COG5: variants seen among roughly 807,000 people sequenced by gnomAD.
COG5 encodes component of oligomeric golgi complex 5, also known as conserved oligomeric Golgi complex subunit 5.
COG5 carries 86 observed loss-of-function variants against 110.4 expected under a neutral mutation model. The ratio of observed to expected loss-of-function variants is 0.78; its 90% CI spans 0.65 to 0.93. The LOEUF is 0.93. COG5 is among the 40% of genes least tolerant of loss of function. The pLI is 0.00. For synonymous variants in COG5, 360 were observed against 334.6 expected, an observed-to-expected ratio of 1.08 and a Z score of -0.83; for missense variants, 1,077 against 987.0, an observed-to-expected ratio of 1.09 and a Z score of -1.22.
At chr7:107,334,931 T>C (rs1357683108) in intron 10 of COG5, among the ~76,000 whole-genome samples, 1 of 152,204 alleles carries the variant, frequency 6.6e-6, no homozygotes, top group Admixed American at 6.5e-5. Context: ...GACACATCTA[T>C]GAAAAACAAT....
At chr7:107,251,131 G>GA (rs1802470921) in intron 16 of COG5, among the ~76,000 whole-genome samples, 1 of 55,548 alleles carries the variant, frequency 1.8e-5, no homozygotes, top group Non-Finnish European at 3.4e-5. Flanking sequence ...CTTGAAACTA[G>GA]CCAAAAAAAA....
At chr7:107,471,964 C>T (rs2129109329) in intron 6 of COG5, 1 of 152,064 alleles carries the variant, frequency 6.6e-6, no homozygotes, top group Admixed American at 6.6e-5. Flanking sequence ...AAATAGTGAG[C>T]ACTGCTATTA....
At chr7:107,339,226 T>G (rs1810974968) in intron 10 of COG5, among the ~76,000 whole-genome samples, 1 of 152,082 alleles carries the variant, frequency 6.6e-6, no homozygotes, top group African/African-American at 2.4e-5. Context: ...TCACTGTTCT[T>G]AGGTCAGATA....
At chr7:107,488,063 T>A (rs911311895) in intron 6 of COG5, among the ~76,000 whole-genome samples, 1 of 152,058 alleles carries the variant, frequency 6.6e-6, no homozygotes, top group Non-Finnish European at 1.5e-5. Context: ...AAAATATTTA[T>A]AAGAAACATT....
chr7:107,434,167 A>G (rs1794208355), intron 6 of COG5, among the ~76,000 whole-genome samples: 1 of 152,190 alleles, frequency 6.6e-6, no homozygotes, highest in African/African-American at 2.4e-5. Flanking sequence ...ACAGAAAATA[A>G]CAACTGTTGG....
At chr7:107,459,627 A>G (rs1795867609) in intron 6 of COG5, among the ~76,000 whole-genome samples, 1 of 151,838 alleles carries the variant, frequency 6.6e-6, no homozygotes, top group Non-Finnish European at 1.5e-5. Context: ...GAGACCCCAT[A>G]TCTACTGGGA....
chr7:107,466,194 G>T (rs1796286181), intron 6 of COG5, among the ~76,000 whole-genome samples: 1 of 152,128 alleles, frequency 6.6e-6, no homozygotes, highest in Non-Finnish European at 1.5e-5. Flanking sequence ...ATAGTAAGCA[G>T]TCAAAACAGT....
chr7:107,544,105 T>A (rs1802246181), intron 5 of COG5, among the ~76,000 whole-genome samples: 1 of 151,392 alleles, frequency 6.6e-6, no homozygotes, highest in African/African-American at 2.4e-5. Flanking sequence ...GGACCCAGAG[T>A]CCAGGCTTAT....
At chr7:107,447,087 C>G (rs1053486465) in intron 6 of COG5, among the ~76,000 whole-genome samples, 1 of 152,178 alleles carries the variant, frequency 6.6e-6, no homozygotes, top group Non-Finnish European at 1.5e-5. Context: ...GGTTCAGTTC[C>G]TTGTAGTTGC....
chr7:107,318,382 G>T (rs1468342291), intron 11 of COG5, among the ~76,000 whole-genome samples: 1 of 152,030 alleles, frequency 6.6e-6, no homozygotes, highest in Non-Finnish European at 1.5e-5. Context: ...AATATTCAAA[G>T]TACAAATTAA....
intron 7 of COG5, among the ~76,000 whole-genome samples, chr7:107,381,249 T>C (rs1480611422): frequency 6.6e-6 from 1 of 152,192 alleles, no homozygotes; most frequent in Non-Finnish European, 1.5e-5. Context: ...AGTTTCAGAA[T>C]TGTCTTTCCT....
rs189188983 is a variant in COG5, at chr7:107,463,653, T to C, written c.539-51021A>G. Among the ~76,000 whole-genome samples the C allele has an allele frequency of 4.4e-3, 665 of 152,250 alleles. 4 individuals carry two copies. The highest frequency in any genetic ancestry group is 0.024 in the Middle Eastern group (7 of 294). The stretch of plus-strand genomic sequence containing the variant: ...TAAAATTTGAGTGTTTTACCCCCTG[T>C]AGGAACACAGACCAAGGAATTTAAC... On this transcript the variant is annotated intron_variant, in intron 6 of 21. Coordinates refer to ENST00000297135, the MANE Select transcript of COG5 (RefSeq NM_006348.5).
intron 11 of COG5, among the ~76,000 whole-genome samples, chr7:107,320,796 G>GAGAAAGGAGATGATAATGCTTA (rs1809196237): frequency 6.6e-6 from 1 of 152,176 alleles, no homozygotes; most frequent in East Asian, 1.9e-4. Flanking sequence ...GACTCTCTGA[G>GAGAAAGGAGATGATAATGCTTA]AGAAAGGAGA....
intron 5 of COG5, 103 bp downstream of exon 5, chr7:107,548,008 G>A: frequency 1.1e-6 from 1 of 944,646 alleles, no homozygotes; most frequent in Non-Finnish European, 1.7e-6. Flanking sequence ...CTTACCTTCT[G>A]TTCCCATTCT....
chr7:107,249,287 G>A (rs538965481), intron 16 of COG5, among the ~76,000 whole-genome samples: 1 of 152,154 alleles, frequency 6.6e-6, no homozygotes, highest in East Asian at 1.9e-4. Flanking sequence ...GTACAAGTGT[G>A]TTACTAGCAT....
At chr7:107,380,365 A>G (rs1229474015) in intron 7 of COG5, among the ~76,000 whole-genome samples, 1 of 152,202 alleles carries the variant, frequency 6.6e-6, no homozygotes, top group African/African-American at 2.4e-5. Context: ...AAAAAAATCA[A>G]TGAATACAGG....
intron 6 of COG5, among the ~76,000 whole-genome samples, chr7:107,445,724 C>T (rs78769564): frequency 0.016 from 2,482 of 152,186 alleles, 75 homozygotes; most frequent in African/African-American, 0.054. Flanking sequence ...GAATGGTATA[C>T]GATGAAAAGC....
chr7:107,407,809 C>A (rs568933842), intron 7 of COG5, among the ~76,000 whole-genome samples: 1 of 151,820 alleles, frequency 6.6e-6, no homozygotes, highest in South Asian at 2.1e-4. Context: ...AAATGCAAAC[C>A]ACAGAGGCTG....
At chr7:107,358,059 T>A (rs1288210490) in intron 10 of COG5, among the ~76,000 whole-genome samples, 1 of 152,130 alleles carries the variant, frequency 6.6e-6, no homozygotes, top group African/African-American at 2.4e-5. Context: ...TGTGTTTTTA[T>A]GTAGAAACTC....
Sources: gnomAD v4.1 joint callset for allele counts (sites outside exome capture counted in the v4.1 genomes callset) on GRCh38, gnomAD v4.1.1 for gene constraint, MANE v1.5 for transcripts, NCBI Gene and HGNC (gene_info 2026-07-23, HGNC 2026-07-21) for gene names.